ASTN2: variants seen among roughly 807,000 people sequenced by gnomAD.
ASTN2 encodes the protein astrotactin-2.
ASTN2 carries 54 observed loss-of-function variants against 139.8 expected under a neutral mutation model. The ratio of observed to expected loss-of-function variants is 0.39; its 90% CI spans 0.31 to 0.48. The LOEUF (loss-of-function observed/expected upper bound fraction) is 0.48. Ranked by LOEUF, ASTN2 falls within the 20% of genes least tolerant of loss-of-function variation. The pLI is 0.95. For synonymous variants in ASTN2, 756 were observed against 719.5 expected (o/e 1.05, Z -0.81); for missense variants, 1,565 against 1,725.1 (o/e 0.91, Z 1.64).
In ASTN2 at chr9:117,008,262, A is replaced by G. The variant is rs561474200; in HGVS notation, c.1424-3T>C. On this transcript the variant is annotated splice_region_variant and splice_polypyrimidine_tract_variant and intron_variant, in intron 6 of 22. Coordinates refer to ENST00000313400, the MANE Select transcript of ASTN2 (RefSeq NM_001365068.1). ...TTCACTCACCACGAAGCTGCTTCCT[A>G]TGGGTGAACGGAGAGACAGATACTT... is the stretch of plus-strand genomic sequence containing the variant. 427 of 1,591,998 alleles carry G rather than the reference A, an allele frequency of 2.7e-4. 4 individuals are homozygous for G. In the South Asian group the frequency reaches 4.7e-3, roughly 17 times the overall value.
intron 19 of ASTN2, among the ~76,000 whole-genome samples, chr9:116,532,726 T>C (rs1165923877): frequency 1.3e-5 from 2 of 152,232 alleles, no homozygotes; most frequent in Non-Finnish European, 2.9e-5. Flanking sequence ...TCTATATCTC[T>C]GTTTTGGTAC....
intron 19 of ASTN2, among the ~76,000 whole-genome samples, chr9:116,514,837 C>A (rs2119205486): frequency 6.6e-6 from 1 of 152,310 alleles, no homozygotes; most frequent in South Asian, 2.1e-4. Context: ...TTGCTAAGAC[C>A]ATTGGAAAAG....
chr9:117,223,731 G>A (rs1205681241), intron 2 of ASTN2, among the ~76,000 whole-genome samples: 1 of 152,162 alleles, frequency 6.6e-6, no homozygotes, highest in Non-Finnish European at 1.5e-5. Flanking sequence ...ATGTGATTAT[G>A]TATGTATTCA....
At chr9:116,765,382 G>A (rs1000739719) in intron 13 of ASTN2, among the ~76,000 whole-genome samples, 1 of 152,116 alleles carries the variant, frequency 6.6e-6, no homozygotes, top group Non-Finnish European at 1.5e-5. Context: ...AGCTAGCTCA[G>A]TACTTTCCTT....
At chr9:117,100,912 A>G (rs1828961278) in intron 4 of ASTN2, among the ~76,000 whole-genome samples, 1 of 152,212 alleles carries the variant, frequency 6.6e-6, no homozygotes, top group South Asian at 2.1e-4. Context: ...AAGTTATTGG[A>G]GTCAGACATG....
intron 10 of ASTN2, among the ~76,000 whole-genome samples, chr9:116,924,607 T>A (rs1834705743): frequency 6.6e-6 from 1 of 152,110 alleles, no homozygotes; most frequent in South Asian, 2.1e-4. Context: ...TTCATCCCCT[T>A]TTTAGACCAT....
intron 13 of ASTN2, among the ~76,000 whole-genome samples, chr9:116,784,330 C>T (rs759751749): frequency 6.6e-6 from 1 of 152,224 alleles, no homozygotes; most frequent in Non-Finnish European, 1.5e-5. Context: ...ACTGGCTCTT[C>T]TCTGTAAGCT....
chr9:117,337,425 T>G (rs774276508), intron 1 of ASTN2, among the ~76,000 whole-genome samples: 1 of 152,136 alleles, frequency 6.6e-6, no homozygotes, highest in Non-Finnish European at 1.5e-5. Context: ...AATTCTTTAT[T>G]ATCTACCATA....
At chr9:117,061,988 G>A (rs927081774) in intron 5 of ASTN2, among the ~76,000 whole-genome samples, 7 of 152,126 alleles carry the variant, frequency 4.6e-5, no homozygotes, top group African/African-American at 1.7e-4. Context: ...TCAAGATAAG[G>A]TGCTCAAGGA....
chr9:116,455,359 AAAAAAAG>A (rs1375231791), intron 20 of ASTN2, among the ~76,000 whole-genome samples: 24 of 151,882 alleles, frequency 1.6e-4, no homozygotes, highest in Admixed American at 5.9e-4. Flanking sequence ...AAAAAAAAAA[AAAAAAAG>A]AAAAGAAAAG....
Position 116,525,784 on chromosome 9 carries a change from G to A in ASTN2, c.3356-38284C>T, listed in dbSNP as rs138616454. 7.2e-4 allele frequency among the ~76,000 whole-genome samples: 110 copies of A among 152,204 alleles called. No individual in the cohort carries two copies. The East Asian group carries it at 0.015, about 20-fold the overall frequency. On this transcript the variant is annotated intron_variant, in intron 19 of 22. Coordinates refer to ENST00000313400, the MANE Select transcript of ASTN2 (RefSeq NM_001365068.1). ...TATACTGTCTCCTTGTTGAAAGGTCGTTAATAATTATCCATGGGCCTGAGA... is the reference window on the plus strand; with the variant it reads ...TATACTGTCTCCTTGTTGAAAGGTCATTAATAATTATCCATGGGCCTGAGA...
chr9:116,841,321 G>T lies in ASTN2; in HGVS notation c.2041-20538C>A, dbSNP rs552049218. Among the ~76,000 whole-genome samples, 21 of 152,344 alleles carry T rather than the reference G, an allele frequency of 1.4e-4. 1 individual carries two copies. Among genetic ancestry groups the T allele is most frequent in the African/African-American group, 5.1e-4 (21 of 41,584 alleles). On this transcript the variant is annotated intron_variant, in intron 11 of 22. Coordinates refer to ENST00000313400, the MANE Select transcript of ASTN2 (RefSeq NM_001365068.1). Reference sequence around the variant, plus strand: ...AGGGAGGTTGCAGTGAGCCGAGATGGCAGCAGTACCGTCCAGCTTCGGCTC... The same window carrying T: ...AGGGAGGTTGCAGTGAGCCGAGATGTCAGCAGTACCGTCCAGCTTCGGCTC...
In ASTN2 at chr9:117,141,356, C is replaced by T. The variant is rs779407243; in HGVS notation, c.1138G>A (p.Gly380Arg). The change falls in exon 4 of 23, where the codon GGG (glycine) becomes AGG (arginine). Residue 380 changes from glycine (G) to arginine (R), a missense_variant. Around this residue, in one of 4 missense-constraint regions of ASTN2, gnomAD observed 596 missense variants for 576.8 expected, o/e 1.03. Coordinates refer to ENST00000313400, the MANE Select transcript of ASTN2 (RefSeq NM_001365068.1). Reference protein sequence around the residue: ...LQPPLRSTSAGKRKRRSKSRG... With the variant: ...LQPPLRSTSARKRKRRSKSRG... ...GACTTGCTCCTCCGCTTCCTCTTCCCTGCCGATGTGCTGCGCAGGGGTGGT... is the reference window on the plus strand; with the variant it reads ...GACTTGCTCCTCCGCTTCCTCTTCCTTGCCGATGTGCTGCGCAGGGGTGGT... 1.0e-5 allele frequency: 14 copies of T among 1,367,402 alleles called. No homozygotes were observed. The Admixed American group carries it at 1.3e-4, about 13-fold the overall frequency. 84.7% of individuals were successfully genotyped at this position (1,367,402 alleles called of 1,614,324 possible).
intron 19 of ASTN2, among the ~76,000 whole-genome samples, chr9:116,567,215 G>A (rs1008945621): frequency 2.6e-4 from 39 of 152,162 alleles, no homozygotes; most frequent in African/African-American, 8.9e-4. Flanking sequence ...TTCCACCCTG[G>A]CCAATTTCAC....
intron 2 of ASTN2, among the ~76,000 whole-genome samples, chr9:117,271,990 T>G (rs759323001): frequency 5.9e-5 from 9 of 152,196 alleles, no homozygotes; most frequent in Non-Finnish European, 1.2e-4. Flanking sequence ...ACAGCTATAC[T>G]AGGCAGTACC....
intron 19 of ASTN2, among the ~76,000 whole-genome samples, chr9:116,597,440 G>A (rs1350576481): frequency 1.3e-5 from 2 of 150,824 alleles, no homozygotes; most frequent in Non-Finnish European, 3.0e-5. Context: ...CCCAAGTAGC[G>A]GGCCACCATG....
At chr9:116,621,007 CT>C (rs1856116779) in intron 17 of ASTN2, among the ~76,000 whole-genome samples, 2 of 152,198 alleles carry the variant, frequency 1.3e-5, no homozygotes, top group South Asian at 4.1e-4. Flanking sequence ...GTTCTCACCC[CT>C]GGCCACCTTT....
intron 11 of ASTN2, among the ~76,000 whole-genome samples, chr9:116,835,588 A>G (rs1831959953): frequency 6.6e-6 from 1 of 152,124 alleles, no homozygotes; most frequent in African/African-American, 2.4e-5. Flanking sequence ...GAACATCCCT[A>G]TATCCCTATA....
intron 2 of ASTN2, among the ~76,000 whole-genome samples, chr9:117,225,535 G>GTATGTATGTATATATATATATATATA (rs369914209): frequency 1.6e-5 from 1 of 63,922 alleles, no homozygotes; most frequent in African/African-American, 4.4e-5. Flanking sequence ...CAAGCTGTAT[G>GTATGTATGTATATATATATATATATA]TATATATATA....
Sources: gnomAD v4.1 joint callset for allele counts (sites outside exome capture counted in the v4.1 genomes callset) on GRCh38, gnomAD v4.1.1 for gene constraint, gnomAD v4.1.1 regional missense constraint, MANE v1.5 for transcripts, NCBI Gene and HGNC (gene_info 2026-07-23, HGNC 2026-07-21) for gene names.